LNX1: variants seen among roughly 807,000 people sequenced by gnomAD.
The protein encoded by LNX1 is ligand of numb-protein X 1, also known as E3 ubiquitin-protein ligase LNX.
LNX1 carries 54 observed loss-of-function variants against 68.4 expected under a neutral mutation model. That is an observed-to-expected ratio of 0.79 (90% confidence interval 0.63 to 0.99). LNX1 has a LOEUF of 0.99. LNX1 is among the 50% of genes least tolerant of loss of function. The pLI is 0.00. For synonymous variants in LNX1, 336 were observed against 350.0 expected, an observed-to-expected ratio of 0.96 and a Z score of 0.45; for missense variants, 906 against 926.4, an observed-to-expected ratio of 0.98 and a Z score of 0.29.
intron 2 of LNX1, among the ~76,000 whole-genome samples, chr4:53,545,569 T>C (rs1053245846): frequency 3.9e-5 from 6 of 152,172 alleles, no homozygotes; most frequent in Admixed American, 1.3e-4. Flanking sequence ...TCCTAGGAGA[T>C]CATTTATTTC....
At chr4:53,569,272 G>T (rs1333278137) in intron 2 of LNX1, among the ~76,000 whole-genome samples, 3 of 149,440 alleles carry the variant, frequency 2.0e-5, no homozygotes, top group Non-Finnish European at 4.5e-5. Flanking sequence ...ATACTACAAG[G>T]CTACAGTAAC....
intron 6 of LNX1, among the ~76,000 whole-genome samples, chr4:53,494,979 T>C (rs1203226704): frequency 1.3e-5 from 2 of 152,200 alleles, no homozygotes; most frequent in African/African-American, 4.8e-5. Flanking sequence ...ATTAGTTATT[T>C]CCAAGGGTTA....
intron 2 of LNX1, among the ~76,000 whole-genome samples, chr4:53,557,217 T>C (rs1273396971): frequency 6.6e-6 from 1 of 152,202 alleles, no homozygotes; most frequent in Non-Finnish European, 1.5e-5. Context: ...TGCACAATGA[T>C]GTATTTAGGG....
intron 9 of LNX1, among the ~76,000 whole-genome samples, chr4:53,462,504 C>T (rs15834): frequency 1.3e-5 from 2 of 151,954 alleles, no homozygotes; most frequent in Admixed American, 1.3e-4. Context: ...TCAGATATGG[C>T]TATTTTGTTT....
intron 2 of LNX1, among the ~76,000 whole-genome samples, chr4:53,609,605 T>C (rs1277151475): frequency 6.8e-6 from 1 of 146,120 alleles, no homozygotes; most frequent in Non-Finnish European, 1.5e-5. Context: ...ATATTATATG[T>C]TATACTATAT....
At chr4:53,633,837 G>T (rs1314694120) in intron 1 of LNX1, among the ~76,000 whole-genome samples, 1 of 152,102 alleles carries the variant, frequency 6.6e-6, no homozygotes, top group Admixed American at 6.6e-5. Context: ...GTGGGACTTT[G>T]GGGAGATTGC....
intron 1 of LNX1, among the ~76,000 whole-genome samples, chr4:53,631,195 T>C (rs900502572): frequency 2.0e-4 from 30 of 152,310 alleles, no homozygotes; most frequent in Middle Eastern, 3.4e-3. Flanking sequence ...TCTTCCCCAC[T>C]ACCTGGTGAG....
chr4:53,570,342 T>G (rs367581810), intron 2 of LNX1, among the ~76,000 whole-genome samples: 27 of 149,910 alleles, frequency 1.8e-4, no homozygotes, highest in Admixed American at 7.3e-4. Flanking sequence ...CCATAAAAAA[T>G]GATGAGTTCA....
chr4:53,490,017 G>T (rs1724573961), intron 6 of LNX1, among the ~76,000 whole-genome samples: 1 of 151,880 alleles, frequency 6.6e-6, no homozygotes, highest in East Asian at 1.9e-4. Context: ...AATGCAAATA[G>T]TCCATTATTG....
intron 1 of LNX1, among the ~76,000 whole-genome samples, chr4:53,634,771 T>G (rs1734404686): frequency 6.6e-6 from 1 of 151,716 alleles, no homozygotes; most frequent in Non-Finnish European, 1.5e-5. Flanking sequence ...CAATCAGGAG[T>G]CTTCCCTGGC....
At chr4:53,576,219 T>C (rs1253137593) in intron 1 of LNX1, 2 of 1,601,546 alleles carry the variant, frequency 1.2e-6, no homozygotes, top group African/African-American at 1.3e-5. Flanking sequence ...GTGCCCTGGC[T>C]CGCTTCCTGC....
intron 1 of LNX1, among the ~76,000 whole-genome samples, chr4:53,628,315 CA>C (rs1734150323): frequency 6.6e-6 from 1 of 152,074 alleles, no homozygotes; most frequent in African/African-American, 2.4e-5. Context: ...ACAATCCCAT[CA>C]AAAAGTAGGC....
At chr4:53,537,981 A>C (rs1206872916) in intron 2 of LNX1, among the ~76,000 whole-genome samples, 1 of 152,210 alleles carries the variant, frequency 6.6e-6, no homozygotes, top group East Asian at 1.9e-4. Context: ...GGCTACTGTC[A>C]ATAATTGCTT....
intron 2 of LNX1, among the ~76,000 whole-genome samples, chr4:53,563,454 G>A (rs1360814925): frequency 2.0e-5 from 3 of 152,062 alleles, no homozygotes; most frequent in Non-Finnish European, 4.4e-5. Context: ...CTCCTAAGGG[G>A]AGTAAGAGGG....
intron 5 of LNX1, chr4:53,496,698 T>C (rs1217719285): frequency 6.8e-6 from 2 of 293,674 alleles, no homozygotes; most frequent in Non-Finnish European, 6.3e-6. Flanking sequence ...ATTTTTTAGC[T>C]GGCAGGAAGA....
chr4:53,558,064 C>T, intron 2 of LNX1: 1 of 1,551,528 alleles, frequency 6.4e-7, no homozygotes, highest in East Asian at 2.4e-5. Context: ...CATGCCCCCA[C>T]AATCAGTAGA....
chr4:53,459,738 C>A lies in LNX1; in HGVS notation c.*1169G>T. On this transcript the variant is annotated 3_prime_UTR_variant, in exon 11 of 11. Coordinates refer to ENST00000263925, the MANE Select transcript of LNX1 (RefSeq NM_001126328.3). ...AAGAGCTGTGTTAGCTGTGTACATA[C>A]ACAGATTATCTGAGAAAAGGTCAAG... The A allele has an allele frequency of 2.6e-6, 1 of 377,610 alleles. No homozygotes were observed. The highest frequency in any genetic ancestry group is 4.8e-6 in the Non-Finnish European group (1 of 207,360). 23.4% of individuals were successfully genotyped at this position (377,610 alleles called of 1,614,324 possible). A position where few individuals can be genotyped will look rare whatever the true frequency, so the allele number is the denominator to read the frequency against.
At chr4:53,487,342 G>A (rs1056221450) in intron 6 of LNX1, among the ~76,000 whole-genome samples, 93 of 152,226 alleles carry the variant, frequency 6.1e-4, no homozygotes, top group Non-Finnish European at 1.1e-3. Context: ...CATTGGCAGA[G>A]ACAGATTGGA....
At chr4:53,468,571 T>TC (rs1182580494) in intron 9 of LNX1, among the ~76,000 whole-genome samples, 1 of 152,148 alleles carries the variant, frequency 6.6e-6, no homozygotes, top group Non-Finnish European at 1.5e-5. Context: ...TCAAGACCCA[T>TC]CAGTGTGCTG....
Sources: gnomAD v4.1 joint callset for allele counts (sites outside exome capture counted in the v4.1 genomes callset) on GRCh38, gnomAD v4.1.1 for gene constraint, MANE v1.5 for transcripts, NCBI Gene and HGNC (gene_info 2026-07-23, HGNC 2026-07-21) for gene names.